Variants in ZNF362 observed in about 807,000 individuals in gnomAD.
ZNF362 encodes the protein rotund homolog.
In ZNF362, 11 loss-of-function variants were observed where a neutral mutation model predicts 42.9. The ratio of observed to expected loss-of-function variants is 0.26; its 90% CI spans 0.16 to 0.42. The LOEUF (loss-of-function observed/expected upper bound fraction) is 0.42. Among genes scored for constraint, ZNF362 ranks in the 20% least tolerant of loss-of-function variants. ZNF362 has a pLI of 1.00. For missense variants in ZNF362, 362 were observed against 576.2 expected, an observed-to-expected ratio of 0.63 and a Z score of 3.81; for synonymous variants, 255 against 257.3, an observed-to-expected ratio of 0.99 and a Z score of 0.09.
the ZNF362 span, among the ~76,000 whole-genome samples, chr1:33,137,784 CTCA>C: frequency 1.3e-5 from 2 of 152,176 alleles, no homozygotes; most frequent in African/African-American, 4.8e-5. Context: ...CTTCCTCAGT[CTCA>C]TCATTCTGAG....
intron 8 of ZNF362, among the ~76,000 whole-genome samples, chr1:33,298,600 G>T (rs1158482243): frequency 1.3e-5 from 2 of 152,240 alleles, no homozygotes; most frequent in Non-Finnish European, 2.9e-5. Flanking sequence ...CCAGCCAGAT[G>T]CAGGCACAGT....
At chr1:33,146,902 G>A in the ZNF362 span, 2 of 479,014 alleles carry the variant, frequency 4.2e-6, no homozygotes, top group African/African-American at 3.9e-5. Context: ...GGGGATGAGG[G>A]TTGGGCAGGG....
At chr1:33,248,948 C>G in the ZNF362 span, among the ~76,000 whole-genome samples, 2 of 152,174 alleles carry the variant, frequency 1.3e-5, no homozygotes. Context: ...ATTTGCTGAG[C>G]CCCCTCACCT....
At chr1:33,221,123 G>C in the ZNF362 span, among the ~76,000 whole-genome samples, 1 of 152,222 alleles carries the variant, frequency 6.6e-6, no homozygotes, top group Non-Finnish European at 1.5e-5. Flanking sequence ...CCCGAGGCGT[G>C]GAGGGCAAGA....
At chr1:33,258,901 C>G (rs1645811704) in intron 1 of ZNF362, among the ~76,000 whole-genome samples, 1 of 152,156 alleles carries the variant, frequency 6.6e-6, no homozygotes. Context: ...TGAACAGTGG[C>G]AGAGGAGGCT....
chr1:33,180,873 T>C, the ZNF362 span: 1 of 148,188 alleles, frequency 6.7e-6, no homozygotes, highest in South Asian at 9.1e-5. Flanking sequence ...CTGCCCCGCG[T>C]TACTCCTGAT....
the ZNF362 span, among the ~76,000 whole-genome samples, chr1:33,224,510 G>T: frequency 8.5e-5 from 13 of 152,142 alleles, no homozygotes; most frequent in African/African-American, 3.1e-4. Flanking sequence ...TACATAATTG[G>T]AAGGGATCTA....
At chr1:33,144,543 T>G in the ZNF362 span, among the ~76,000 whole-genome samples, 1 of 152,242 alleles carries the variant, frequency 6.6e-6, no homozygotes. Flanking sequence ...GCCCGACTGA[T>G]AGAACCTCTC....
the ZNF362 span, among the ~76,000 whole-genome samples, chr1:33,213,517 GTAA>G: frequency 6.6e-6 from 1 of 151,888 alleles, no homozygotes. Context: ...GATTACTATA[GTAA>G]TAATAATAAT....
intron 1 of ZNF362, among the ~76,000 whole-genome samples, chr1:33,265,903 C>T (rs1557788077): frequency 2.0e-5 from 3 of 152,222 alleles, no homozygotes; most frequent in Non-Finnish European, 4.4e-5. Flanking sequence ...TGAATTCCTG[C>T]ACTATACCCC....
intron 2 of ZNF362, chr1:33,275,196 C>T (rs1349372512): frequency 2.0e-6 from 2 of 985,302 alleles, no homozygotes; most frequent in Non-Finnish European, 2.4e-6. Flanking sequence ...CTGTAAGTCA[C>T]TTCTTGACTT....
chr1:33,288,920 CAA>C (rs142212279), intron 6 of ZNF362, among the ~76,000 whole-genome samples: 2,021 of 152,082 alleles, frequency 0.013, 45 homozygotes, highest in African/African-American at 0.046. Flanking sequence ...GGACTGAAGA[CAA>C]GAGCTTTGTG....
At position 33,282,274 on chromosome 1, in the gene ZNF362, T is replaced by C. The variant is rs1431287687; in HGVS notation, c.908+463T>C. 2.0e-5 allele frequency among the ~76,000 whole-genome samples: 3 copies of C among 152,334 alleles called. No homozygotes were observed. In the South Asian group the frequency reaches 6.2e-4, roughly 32 times the overall value. On this transcript the variant is annotated intron_variant, in intron 6 of 8. Transcript: ENST00000539719. ...TCTTGAAGGCAAGAGCTCAGTCTCC[T>C]CCATTTCCATATCCCCAGTTTGTGG...
At chr1:33,181,325 C>T in the ZNF362 span, 5 of 1,573,438 alleles carry the variant, frequency 3.2e-6, 1 homozygote, top group South Asian at 4.6e-5. The surrounding 1 kb of genome is among the most constrained non-coding windows in gnomAD (Gnocchi z 6.5). Flanking sequence ...CCCAGTGCTC[C>T]GTGATGCAGC....
the ZNF362 span, among the ~76,000 whole-genome samples, chr1:33,243,368 G>A: frequency 5.3e-5 from 8 of 151,440 alleles, no homozygotes; most frequent in East Asian, 3.9e-4. Context: ...TTTTTTTAGC[G>A]GAGATGGGGG....
chr1:33,145,735 A>C, the ZNF362 span: 1 of 386,368 alleles, frequency 2.6e-6, no homozygotes, highest in Non-Finnish European at 5.3e-6. Flanking sequence ...ACCTCTGGGC[A>C]GGGATAGAGC....
the ZNF362 span, chr1:33,181,572 G>A: frequency 2.2e-6 from 3 of 1,384,334 alleles, no homozygotes; most frequent in Non-Finnish European, 2.8e-6. This position sits in a 1 kb window ranked among gnomAD's most constrained non-coding sequence, Gnocchi z 6.5. Flanking sequence ...GGAGAAGGGA[G>A]GGGGTGCTGT....
At chr1:33,247,898 C>T in the ZNF362 span, among the ~76,000 whole-genome samples, 3 of 152,238 alleles carry the variant, frequency 2.0e-5, no homozygotes, top group Non-Finnish European at 4.4e-5. Context: ...TCATTGAGCA[C>T]TGGTTGTCTT....
chr1:33,172,431 G>A, the ZNF362 span, among the ~76,000 whole-genome samples: 58 of 152,196 alleles, frequency 3.8e-4, no homozygotes, highest in East Asian at 8.9e-3. Context: ...CATGTGACAG[G>A]TGGGTGGAGT....
Sources: allele counts gnomAD v4.1 joint callset (sites outside exome capture counted in the v4.1 genomes callset), GRCh38; gene constraint gnomAD v4.1.1; non-coding constraint Gnocchi (gnomAD v3.1); transcripts MANE v1.5; gene names NCBI Gene and HGNC (gene_info 2026-07-23, HGNC 2026-07-21).